Variants in ATP6V0A2 observed in about 807,000 individuals in gnomAD.
The protein encoded by ATP6V0A2 is ATPase H+ transporting V0 subunit a2.
In ATP6V0A2, 58 loss-of-function variants were observed where a neutral mutation model predicts 104.4. The observed-to-expected ratio is 0.56, with a 90% CI of 0.45 to 0.69. The LOEUF (loss-of-function observed/expected upper bound fraction) is 0.69. ATP6V0A2 is among the 30% of genes least tolerant of loss of function. The probability of loss-of-function intolerance (pLI) is 0.00; values close to 1 mark genes in which losing one functional copy is unlikely to be tolerated. For missense variants in ATP6V0A2, 938 were observed against 1,062.9 expected (o/e 0.88, Z 1.63); for synonymous variants, 376 against 397.9 (o/e 0.95, Z 0.65).
In ATP6V0A2 at chr12:123,737,220, G is replaced by C. The variant is rs376626151; in HGVS notation, c.987G>C (p.Trp329Cys). The change falls in exon 9 of 20, where the codon TGG (tryptophan) becomes TGC (cysteine). Residue 329 changes from tryptophan (W) to cysteine (C), a missense_variant. Transcript: ENST00000330342. ...VTNKCLIAEV[W>C]CPEADLQDLR... ...ACAAGTGCCTCATTGCTGAGGTCTGGTGTCCCGAGGCGGATCTGCAGGACC... is the reference window on the plus strand; with the variant it reads ...ACAAGTGCCTCATTGCTGAGGTCTGCTGTCCCGAGGCGGATCTGCAGGACC... 1 of 1,614,154 alleles carries C rather than the reference G, an allele frequency of 6.2e-7. No individual in the cohort carries two copies. The highest frequency in any genetic ancestry group is 8.5e-7 in the Non-Finnish European group (1 of 1,180,036).
At chr12:123,757,843 A>T in intron 19 of ATP6V0A2, 84 bp from the exon 20 acceptor site, 2 of 743,134 alleles carry the variant, frequency 2.7e-6, no homozygotes, top group Admixed American at 3.1e-5. Context: ...CAGCACAGGA[A>T]TTTTTTTTTT....
At position 123,747,651 on chromosome 12, in the gene ATP6V0A2, C is replaced by G. The variant is rs916424606; in HGVS notation, c.1650C>G (p.Phe550Leu). 10 of 1,613,676 alleles carry G rather than the reference C, an allele frequency of 6.2e-6. No individual in the cohort carries two copies. In the Admixed American group the frequency reaches 1.5e-4, roughly 24 times the overall value. The change falls in exon 14 of 20, where the codon TTC (phenylalanine) becomes TTG (leucine). Residue 550 changes from phenylalanine to leucine, a missense_variant. Physicochemically the swap from Phe to Leu is conservative, Grantham distance 22. Coordinates refer to ENST00000330342, the MANE Select transcript of ATP6V0A2 (RefSeq NM_012463.4). ...ATCGCCTCACTTTTCTAAACTCTTT[C>G]AAAATGAAAATGTCCGTGATTTTAG... is the stretch of plus-strand genomic sequence containing the variant. ...ATNRLTFLNS[F>L]KMKMSVILGI...
chr12:123,750,639 GT>G, intron 15 of ATP6V0A2: 1 of 208,520 alleles, frequency 4.8e-6, no homozygotes, highest in Non-Finnish European at 9.9e-6. Flanking sequence ...CTAAGGAAGT[GT>G]TTTTGGTTTT....
intron 3 of ATP6V0A2, chr12:123,723,168 T>C (rs1183663666): frequency 6.6e-6 from 1 of 152,606 alleles, no homozygotes; most frequent in East Asian, 1.9e-4. Context: ...CTTTCATTAC[T>C]TGGTGCAGGA....
chr12:123,758,164 G>GT lies in ATP6V0A2; in HGVS notation c.*133dup, dbSNP rs1389142237. 1 of 651,404 alleles carries GT rather than the reference G, an allele frequency of 1.5e-6. No homozygotes were observed. Among genetic ancestry groups the GT allele is most frequent in the Non-Finnish European group, 2.7e-6 (1 of 366,242 alleles). The allele number at this position is 651,404 out of a possible 1,614,324, so 40.4% of individuals were successfully genotyped here. On this transcript the variant is annotated 3_prime_UTR_variant, in exon 20 of 20. Transcript: ENST00000330342. ...CCTTATGACATAGCCAAATAATTCT[G>GT]TAAGATATACCTCTTCCTCATATGT... is the stretch of plus-strand genomic sequence containing the variant.
At position 123,744,728 on chromosome 12, in the gene ATP6V0A2, G is replaced by A. The variant is rs146156426; in HGVS notation, c.1458G>A (p.Ser486=). 6.6e-5 allele frequency: 106 copies of A among 1,614,072 alleles called. 1 individual carries two copies. The African/African-American group carries it at 8.5e-4, about 13-fold the overall frequency. The change falls in exon 12 of 20, where the codon TCG becomes TCA. Residue 486 remains serine (S), a synonymous_variant. Coordinates refer to ENST00000330342, the MANE Select transcript of ATP6V0A2 (RefSeq NM_012463.4). The surrounding 1 kb of genome is among the most constrained non-coding windows in gnomAD (Gnocchi z 5.4). The stretch of plus-strand genomic sequence containing the variant: ...TGTTCGGCTCTGGGTGGAACGTGTC[G>A]GCCATGTACAGCTCCAGCCACCCAC... The part of the protein sequence containing the change: ...VNLFGSGWNV[S]AMYSSSHPPA...
chr12:123,715,520 C>T (rs1434779214), intron 1 of ATP6V0A2, among the ~76,000 whole-genome samples: 1 of 152,180 alleles, frequency 6.6e-6, no homozygotes, highest in Non-Finnish European at 1.5e-5. Context: ...AGTTTCATGT[C>T]AAGTTGTATC....
Position 123,737,249 on chromosome 12 carries a change from G to C in ATP6V0A2, c.1016G>C (p.Arg339Pro). ...CCCGAGGCGGATCTGCAGGACCTGC[G>C]CCGGGCACTGGAGGAGGGCTCGGTA... is the stretch of plus-strand genomic sequence containing the variant. ...WCPEADLQDL[R>P]RALEEGSRES... Residue 339 changes from arginine to proline, a missense_variant, in exon 9 of 20, where the codon CGC becomes CCC. Transcript: ENST00000330342. 1 of 1,614,100 alleles carries C rather than the reference G, an allele frequency of 6.2e-7. No individual in the cohort carries two copies.
In ATP6V0A2 at chr12:123,740,999, G is replaced by A. The variant is rs551130505; in HGVS notation, c.1039-2786G>A. On this transcript the variant is annotated intron_variant, in intron 9 of 19. Transcript: ENST00000330342. ...CCTTTTGAAACAGTAAGTTACAATG[G>A]TTTTATTTGTTTTGTGGACATTCTT... Among the ~76,000 whole-genome samples the A allele has an allele frequency of 3.8e-4, 58 of 151,642 alleles. 1 individual carries two copies. Among genetic ancestry groups the A allele is most frequent in the African/African-American group, 1.3e-3 (55 of 41,338 alleles).
chr12:123,743,013 T>C (rs1384765726), intron 9 of ATP6V0A2, among the ~76,000 whole-genome samples: 1 of 152,160 alleles, frequency 6.6e-6, no homozygotes, highest in Non-Finnish European at 1.5e-5. Flanking sequence ...ATGTTGACAT[T>C]TTGGTTTATT....
In ATP6V0A2 at chr12:123,718,692, C is replaced by A; in HGVS notation, c.187C>A (p.Arg63=). The A allele has an allele frequency of 6.2e-7, 1 of 1,608,782 alleles. No homozygotes were observed. Among genetic ancestry groups the A allele is most frequent in the South Asian group, 1.1e-5 (1 of 90,222 alleles). ...GEVKRCEELE[R]ILVYLVQEIN... is the part of the protein sequence containing the mutation. ...GGTGAAGAGGTGTGAAGAGCTAGAGCGAATATTGGGTAAGTTTATTTTCTG... is the reference window on the plus strand; with the variant it reads ...GGTGAAGAGGTGTGAAGAGCTAGAGAGAATATTGGGTAAGTTTATTTTCTG... Residue 63 remains arginine, a synonymous_variant, in exon 2 of 20, where the codon CGA becomes AGA. Coordinates refer to ENST00000330342, the MANE Select transcript of ATP6V0A2 (RefSeq NM_012463.4).
At chr12:123,734,747 G>A (rs929709978) in intron 7 of ATP6V0A2, among the ~76,000 whole-genome samples, 2 of 152,264 alleles carry the variant, frequency 1.3e-5, no homozygotes, top group Non-Finnish European at 2.9e-5. Context: ...AGGGTGGAGG[G>A]GGGTTTGGGC....
In ATP6V0A2 at chr12:123,737,271, G is replaced by A. The variant is rs147411055; in HGVS notation, c.1038G>A (p.Ser346=). 25 of 1,614,026 alleles carry A rather than the reference G, an allele frequency of 1.5e-5. No homozygotes were observed. The East Asian group carries it at 1.8e-4, about 12-fold the overall frequency. The part of the protein sequence containing the change: ...QDLRRALEEG[S]RESGATIPSF... ...TGCGCCGGGCACTGGAGGAGGGCTC[G>A]GTAAGGCTGCCTTCCTCTCCTCTGC... The change falls in exon 9 of 20, where the codon TCG becomes TCA. Residue 346 remains serine (S), a splice_region_variant and synonymous_variant. Transcript: ENST00000330342.
At chr12:123,733,495 G>C (rs1435300145) in intron 6 of ATP6V0A2, 1 of 198,680 alleles carries the variant, frequency 5.0e-6, no homozygotes, top group Admixed American at 5.4e-5. Context: ...GGACATCACA[G>C]CTGTCTTGTG....
chr12:123,741,780 A>G (rs763949165), intron 9 of ATP6V0A2, among the ~76,000 whole-genome samples: 22 of 152,236 alleles, frequency 1.4e-4, no homozygotes, highest in Non-Finnish European at 2.5e-4. Flanking sequence ...AGGAGATTCT[A>G]TATTATTACA....
intron 3 of ATP6V0A2, chr12:123,723,275 T>A (rs1956417723): frequency 6.6e-6 from 1 of 152,208 alleles, no homozygotes; most frequent in African/African-American, 2.4e-5. Context: ...AACATAGTGA[T>A]GACTGTGTAC....
At chr12:123,757,193 C>T (rs1189659490) in intron 19 of ATP6V0A2, among the ~76,000 whole-genome samples, 1 of 152,146 alleles carries the variant, frequency 6.6e-6, no homozygotes, top group Non-Finnish European at 1.5e-5. Context: ...GTAATCCTGG[C>T]ACTTTGGGAG....
At chr12:123,724,833 CA>C in intron 4 of ATP6V0A2, 42 bp downstream of exon 4, 1 of 1,584,998 alleles carries the variant, frequency 6.3e-7, no homozygotes, top group East Asian at 2.2e-5. Flanking sequence ...TTTTTATAAA[CA>C]GCTTTTTATA....
rs1956780819 is a variant in ATP6V0A2, at chr12:123,757,992, T to G, written c.2531T>G (p.Leu844Arg). The G allele has an allele frequency of 6.2e-7, 1 of 1,613,346 alleles. No homozygotes were observed. The highest frequency in any genetic ancestry group is 1.7e-5 in the Admixed American group (1 of 59,996). Residue 844 changes from leucine to arginine, a missense_variant, in exon 20 of 20, where the codon CTA becomes CGA. Leu to Arg is a moderately radical substitution (Grantham distance 102, BLOSUM62 -2). Coordinates refer to ENST00000330342, the MANE Select transcript of ATP6V0A2 (RefSeq NM_012463.4). ...AAATTTGTTCCTTTCTCATTCAGTC[T>G]ACTTTCATCAAAGTTCAATAACGAC... is the stretch of plus-strand genomic sequence containing the variant. The part of the protein sequence containing the change: ...GTKFVPFSFS[L>R]LSSKFNNDDS...
Sources: gnomAD v4.1 joint callset for allele counts (sites outside exome capture counted in the v4.1 genomes callset) on GRCh38, gnomAD v4.1.1 for gene constraint, Gnocchi (gnomAD v3.1) non-coding constraint, MANE v1.5 for transcripts, NCBI Gene and HGNC (gene_info 2026-07-23, HGNC 2026-07-21) for gene names.